The following ZMAT2 variants were observed in gnomAD, a reference collection of about 807,000 sequenced individuals.
ZMAT2 encodes zinc finger matrin-type protein 2.
In ZMAT2, 5 loss-of-function variants were observed where a neutral mutation model predicts 27.5. That is an observed-to-expected ratio of 0.18 (90% confidence interval 0.10 to 0.38). The LOEUF is 0.38. Among genes scored for constraint, ZMAT2 ranks in the 10% least tolerant of loss-of-function variants. The pLI, the probability that ZMAT2 is intolerant of heterozygous loss-of-function variation, is 1.00. For synonymous variants in ZMAT2, 76 were observed against 78.6 expected (o/e 0.97, Z 0.17); for missense variants, 124 against 243.9 (o/e 0.51, Z 3.27).
chr5:140,704,914 A>G (rs1300997674), intron 5 of ZMAT2, among the ~76,000 whole-genome samples: 1 of 152,150 alleles, frequency 6.6e-6, no homozygotes, highest in East Asian at 1.9e-4. Context: ...TAAGTCAAAA[A>G]TACATAATAC....
chr5:140,700,539 T>C (rs1434874386), intron 1 of ZMAT2, 61 bp downstream of exon 1: 9 of 1,610,658 alleles, frequency 5.6e-6, no homozygotes, highest in Admixed American at 3.4e-5. Context: ...CAGACCTGAA[T>C]AGAGACAAAC....
At chr5:140,703,504 G>A (rs1760001611) in intron 3 of ZMAT2, among the ~76,000 whole-genome samples, 1 of 152,144 alleles carries the variant, frequency 6.6e-6, no homozygotes, top group East Asian at 1.9e-4. Context: ...AAAGTGCTGG[G>A]ATTACAGGCG....
intron 5 of ZMAT2, 72 bp downstream of exon 5, chr5:140,704,643 C>T (rs1760022106): frequency 1.3e-6 from 2 of 1,524,068 alleles, no homozygotes; most frequent in South Asian, 1.2e-5. Flanking sequence ...AGACCCTGTC[C>T]TCATCCCACT....
chr5:140,700,820 C>CA lies in ZMAT2; in HGVS notation c.26dup (p.Asn9LysfsTer12), dbSNP rs769798219. On this transcript the variant is annotated frameshift_variant and splice_region_variant, in exon 2 of 6. Transcript: ENST00000274712. LOFTEE classifies it high-confidence loss of function. ...CTTGACGCTTTTTCCTCCCCACAGA[C>CA]AAAAAACTTGGACTTTCGCCGAAAG... is the stretch of plus-strand genomic sequence containing the variant. The CA allele has an allele frequency of 6.2e-7, 1 of 1,613,842 alleles. No homozygotes were observed. Among genetic ancestry groups the CA allele is most frequent in the Admixed American group, 1.7e-5 (1 of 59,992 alleles).
In ZMAT2 at chr5:140,706,367, T is replaced by G. The variant is rs1371407599; in HGVS notation, c.*611T>G. On this transcript the variant is annotated 3_prime_UTR_variant, in exon 6 of 6. Coordinates refer to ENST00000274712, the MANE Select transcript of ZMAT2 (RefSeq NM_144723.3). ...AGCATTGCTGCCCTGGGGCCTGATG[T>G]TCTTGGCTTCCTCAGAGCATGTAAC... 1 of 152,866 alleles carries G rather than the reference T, an allele frequency of 6.5e-6. No homozygotes were observed. The highest frequency in any genetic ancestry group is 2.4e-5 in the African/African-American group (1 of 41,458). The allele number at this position is 152,866 out of a possible 1,614,324, so 9.5% of individuals were successfully genotyped here.
rs1760057523 is a variant in ZMAT2 at position 140,706,403 on chromosome 5, A to C, written c.*647A>C. On this transcript the variant is annotated 3_prime_UTR_variant, in exon 6 of 6. Coordinates refer to ENST00000274712, the MANE Select transcript of ZMAT2 (RefSeq NM_144723.3). ...CTCAGAGCATGTAACAGGAAATTAA[A>C]TGGGATGAGTGTTTGGTGTGGTTTG... is the stretch of plus-strand genomic sequence containing the variant. 6.5e-6 allele frequency: 1 copy of C among 152,682 alleles called. No individual in the cohort carries two copies. The highest frequency in any genetic ancestry group is 1.5e-5 in the Non-Finnish European group (1 of 68,058). 9.5% of individuals were successfully genotyped at this position (152,682 alleles called of 1,614,324 possible).
intron 2 of ZMAT2, 91 bp downstream of exon 2, chr5:140,701,003 C>G: frequency 7.7e-7 from 1 of 1,293,534 alleles, no homozygotes; most frequent in Non-Finnish European, 1.1e-6. Flanking sequence ...TGCCTTCCCA[C>G]GCGGTGTAAG....
rs1381098226 is a variant in ZMAT2 at position 140,702,076 on chromosome 5, G to A, written c.183G>A (p.Lys61=). ...HRDYKVDLES[K]LGKTIVITKT... ...ACTACAAGGTGGACTTGGAATCCAA[G>A]CTTGGGAAGACAATTGTCATTACCA... is the stretch of plus-strand genomic sequence containing the variant. Residue 61 remains lysine (K), a synonymous_variant, in exon 3 of 6, where the codon AAG becomes AAA. Transcript: ENST00000274712. The A allele has an allele frequency of 1.2e-6, 2 of 1,613,710 alleles. No individual in the cohort carries two copies. The highest frequency in any genetic ancestry group is 2.2e-5 in the South Asian group (2 of 90,912).
At chr5:140,701,815 G>C (rs958424018) in intron 2 of ZMAT2, among the ~76,000 whole-genome samples, 191 bp from the exon 3 acceptor site, 4 of 152,206 alleles carry the variant, frequency 2.6e-5, no homozygotes, top group African/African-American at 9.6e-5. Flanking sequence ...AAAAGCTGTA[G>C]AGTTGAGGAT....
intron 2 of ZMAT2, among the ~76,000 whole-genome samples, chr5:140,701,424 T>C (rs1168526048): frequency 6.6e-6 from 1 of 152,236 alleles, no homozygotes; most frequent in Non-Finnish European, 1.5e-5. Flanking sequence ...GAGTTGGTGC[T>C]TCTCTCCTGT....
rs1760061767 is a variant in ZMAT2, at chr5:140,706,677, C to T, written c.*921C>T. On this transcript the variant is annotated 3_prime_UTR_variant, in exon 6 of 6. Transcript: ENST00000274712. ...GGGCCTGTTTTACATTTGGTGAGAA[C>T]ATTCCATAATCTTCCCTGTGAATAT... The T allele has an allele frequency of 1.3e-5, 2 of 152,610 alleles. No homozygotes were observed. Among genetic ancestry groups the T allele is most frequent in the Non-Finnish European group, 2.9e-5 (2 of 68,034 alleles). The allele number at this position is 152,610 out of a possible 1,614,324, so 9.5% of individuals were successfully genotyped here. A position where few individuals can be genotyped will look rare whatever the true frequency, so the allele number is the denominator to read the frequency against.
intron 5 of ZMAT2, among the ~76,000 whole-genome samples, chr5:140,705,312 C>T (rs1281552928): frequency 7.2e-6 from 1 of 138,314 alleles, no homozygotes; most frequent in Non-Finnish European, 1.6e-5. Flanking sequence ...ATAGCCTCCC[C>T]CATAATTTTT....
intron 2 of ZMAT2, among the ~76,000 whole-genome samples, 163 bp downstream of exon 2, chr5:140,701,075 G>A (rs1055721383): frequency 3.3e-5 from 5 of 152,146 alleles, no homozygotes; most frequent in Non-Finnish European, 7.3e-5. Context: ...AGAGCGAGGA[G>A]GTGGGATGAA....
rs751219110 is a variant in ZMAT2 at position 140,705,897 on chromosome 5, A to G, written c.*141A>G. ...GGGGAGGGATAGAGGGTGGGGGCTCATGGTTTCCCTCTACTTTGGGAGAGG... is the reference window on the plus strand; with the variant it reads ...GGGGAGGGATAGAGGGTGGGGGCTCGTGGTTTCCCTCTACTTTGGGAGAGG... On this transcript the variant is annotated 3_prime_UTR_variant, in exon 6 of 6. Transcript: ENST00000274712. 5.3e-6 allele frequency: 6 copies of G among 1,121,864 alleles called. No individual in the cohort carries two copies. The highest frequency in any genetic ancestry group is 1.9e-5 in the South Asian group (1 of 52,974). 69.5% of individuals were successfully genotyped at this position (1,121,864 alleles called of 1,614,324 possible).
At chr5:140,700,510 G>T in intron 1 of ZMAT2, 32 bp downstream of exon 1, 3 of 1,612,622 alleles carry the variant, frequency 1.9e-6, no homozygotes, top group East Asian at 2.2e-5. Context: ...GAGGTTTTGC[G>T]GGGTGGGGAA....
At chr5:140,701,891 T>G in intron 2 of ZMAT2, 115 bp from the exon 3 acceptor site, 1 of 1,336,888 alleles carries the variant, frequency 7.5e-7, no homozygotes. Flanking sequence ...GTTGTGTCCT[T>G]TCAGGAATGA....
intron 5 of ZMAT2, among the ~76,000 whole-genome samples, chr5:140,705,317 A>T (rs1760036359): frequency 6.9e-6 from 1 of 145,478 alleles, no homozygotes; most frequent in Non-Finnish European, 1.5e-5. Flanking sequence ...CTCCCCCATA[A>T]TTTTTTTTTT....
At chr5:140,704,600 C>T in intron 5 of ZMAT2, 29 bp downstream of exon 5, 2 of 1,609,272 alleles carry the variant, frequency 1.2e-6, no homozygotes, top group Non-Finnish European at 1.7e-6. Flanking sequence ...TCCCCTCTCC[C>T]CCAGATTTGA....
At chr5:140,703,259 G>A (rs1288621493) in intron 3 of ZMAT2, among the ~76,000 whole-genome samples, 1 of 125,034 alleles carries the variant, frequency 8.0e-6, no homozygotes, top group African/African-American at 3.0e-5. Context: ...TTTTTTTTCT[G>A]AGACAGAGTT....
Sources: allele counts gnomAD v4.1 joint callset (sites outside exome capture counted in the v4.1 genomes callset), GRCh38; gene constraint gnomAD v4.1.1; transcripts MANE v1.5; gene names NCBI Gene and HGNC (gene_info 2026-07-23, HGNC 2026-07-21).